Variants in PHYHIP observed in about 807,000 individuals in gnomAD.
PHYHIP encodes phytanoyl-CoA hydroxylase-interacting protein.
A neutral mutation model predicts 26.1 loss-of-function variants in PHYHIP; 7 were observed. The ratio of observed to expected loss-of-function variants is 0.27; its 90% CI spans 0.15 to 0.50. The LOEUF (loss-of-function observed/expected upper bound fraction) is 0.50. PHYHIP is among the 20% of genes least tolerant of loss of function. The probability of loss-of-function intolerance (pLI) is 0.98; values close to 1 mark genes in which losing one functional copy is unlikely to be tolerated. For synonymous variants in PHYHIP, 206 were observed against 183.4 expected (o/e 1.12, Z -1.00); for missense variants, 232 against 454.7 (o/e 0.51, Z 4.45).
At chr8:22,230,284 G>A (rs1054412225) in intron 1 of PHYHIP, among the ~76,000 whole-genome samples, 5 of 151,278 alleles carry the variant, frequency 3.3e-5, no homozygotes, top group Admixed American at 6.6e-5. Flanking sequence ...CCACACGCTC[G>A]GAGGCAGCCC....
chr8:22,226,758 A>G, intron 3 of PHYHIP, 93 bp downstream of exon 3: 1 of 1,184,436 alleles, frequency 8.4e-7, no homozygotes, highest in Non-Finnish European at 1.2e-6. Flanking sequence ...GGTGTTCATC[A>G]GTGTTTGCTG....
chr8:22,226,100 C>A (rs955427411), intron 3 of PHYHIP, among the ~76,000 whole-genome samples: 1 of 152,152 alleles, frequency 6.6e-6, no homozygotes, highest in Non-Finnish European at 1.5e-5. Flanking sequence ...TTAAGTTCTG[C>A]TAAGAGAGTT....
chr8:22,228,531 G>A, intron 1 of PHYHIP, 145 bp from the exon 2 acceptor site: 1 of 577,354 alleles, frequency 1.7e-6, no homozygotes, highest in Non-Finnish European at 3.1e-6. Context: ...AGACTGTACA[G>A]GGGAGGCTGG....
intron 1 of PHYHIP, among the ~76,000 whole-genome samples, chr8:22,230,651 C>T (rs895240905): frequency 1.3e-5 from 2 of 152,244 alleles, no homozygotes; most frequent in African/African-American, 2.4e-5. Context: ...GGCACGCACG[C>T]GCATACACAC....
intron 1 of PHYHIP, among the ~76,000 whole-genome samples, chr8:22,231,474 C>T (rs1249816660): frequency 2.6e-5 from 4 of 152,254 alleles, no homozygotes; most frequent in African/African-American, 9.6e-5. Context: ...CACACACACA[C>T]GCCGCGCACA....
chr8:22,221,747 G>A lies in PHYHIP; in HGVS notation c.599C>T (p.Pro200Leu). The change falls in exon 5 of 5, where the codon CCC becomes CTC. Residue 200 changes from proline to leucine, a missense_variant. By Grantham distance (98) the Pro-to-Leu change is moderately conservative. Transcript: ENST00000454243. The surrounding 1 kb of genome is among the most constrained non-coding windows in gnomAD (Gnocchi z 7.9). ...GATCTGGAAGCGCCAGCGGCCGTAGGGGGAGTCCTGCGGGGGCTGGCCCGT... is the reference window on the plus strand; with the variant it reads ...GATCTGGAAGCGCCAGCGGCCGTAGAGGGAGTCCTGCGGGGGCTGGCCCGT... Reference protein sequence around the residue: ...FNTGQPPQDSPYGRWRFQIPA... With the variant: ...FNTGQPPQDSLYGRWRFQIPA... The A allele has an allele frequency of 1.2e-6, 2 of 1,613,286 alleles. No individual in the cohort carries two copies. The highest frequency in any genetic ancestry group is 2.2e-5 in the East Asian group (1 of 44,864).
At chr8:22,226,127 AG>A (rs1829740463) in intron 3 of PHYHIP, among the ~76,000 whole-genome samples, 1 of 151,198 alleles carries the variant, frequency 6.6e-6, no homozygotes, top group African/African-American at 2.5e-5. Flanking sequence ...GCCATTGACC[AG>A]GGGCCATTTT....
At chr8:22,227,509 G>T in intron 2 of PHYHIP, 3 of 419,706 alleles carry the variant, frequency 7.1e-6, no homozygotes, top group South Asian at 1.7e-5. Flanking sequence ...AAAGAGAGCG[G>T]GTGAGTAACC....
chr8:22,226,938 T>C lies in PHYHIP; in HGVS notation c.253A>G (p.Ser85Gly). Residue 85 changes from serine to glycine, a missense_variant, in exon 3 of 5, where the codon AGT becomes GGT. Coordinates refer to ENST00000454243, the MANE Select transcript of PHYHIP (RefSeq NM_014759.5). The stretch of plus-strand genomic sequence containing the variant: ...TTCACTGCCGTCTGCACGGCCACAC[T>C]GTACTCCGTGCGGGGGCTCAGGAAC... ...HWFLSPRTEY[S>G]VAVQTAVKQS... The C allele has an allele frequency of 1.2e-6, 2 of 1,613,980 alleles. No homozygotes were observed. The highest frequency in any genetic ancestry group is 1.7e-6 in the Non-Finnish European group (2 of 1,179,908).
chr8:22,231,281 G>C (rs1829860903), intron 1 of PHYHIP, among the ~76,000 whole-genome samples: 1 of 151,904 alleles, frequency 6.6e-6, no homozygotes, highest in Non-Finnish European at 1.5e-5. Context: ...CTGCCTCATA[G>C]TGTCCCCACC....
At chr8:22,228,020 G>C (rs1468838948) in intron 2 of PHYHIP, among the ~76,000 whole-genome samples, 173 bp downstream of exon 2, 1 of 152,234 alleles carries the variant, frequency 6.6e-6, no homozygotes, top group African/African-American at 2.4e-5. Context: ...CTCTTTACCA[G>C]GGAAGGAGCT....
chr8:22,229,908 G>T (rs938284508), intron 1 of PHYHIP, among the ~76,000 whole-genome samples: 1 of 152,186 alleles, frequency 6.6e-6, no homozygotes, highest in Non-Finnish European at 1.5e-5. Context: ...CAGGGTGAAG[G>T]CTAAAGGTGA....
intron 3 of PHYHIP, among the ~76,000 whole-genome samples, chr8:22,225,719 C>A (rs1436985262): frequency 2.7e-5 from 4 of 149,126 alleles, no homozygotes; most frequent in Non-Finnish European, 5.9e-5. Flanking sequence ...GCAGGAGAAT[C>A]GCTTGAACCC....
At chr8:22,225,477 G>A (rs942434028) in intron 3 of PHYHIP, among the ~76,000 whole-genome samples, 8 of 151,898 alleles carry the variant, frequency 5.3e-5, no homozygotes, top group African/African-American at 1.9e-4. Context: ...CTGGGCAACA[G>A]AGCAAGACCC....
rs774463765 is a variant in PHYHIP at position 22,221,011 on chromosome 8, G to A, written c.*342C>T. The A allele has an allele frequency of 1.6e-5, 4 of 248,362 alleles. No homozygotes were observed. Among genetic ancestry groups the A allele is most frequent in the Non-Finnish European group, 3.1e-5 (4 of 127,938 alleles). The allele number at this position is 248,362 out of a possible 1,614,324, so 15.4% of individuals were successfully genotyped here. A position where few individuals can be genotyped will look rare whatever the true frequency, so the allele number is the denominator to read the frequency against. ...TTGGCCCAGAGGGGCTTCCCTGGGAGAGCCCAGGAGGTGGGCAGGTCTTTG... is the reference window on the plus strand; with the variant it reads ...TTGGCCCAGAGGGGCTTCCCTGGGAAAGCCCAGGAGGTGGGCAGGTCTTTG... On this transcript the variant is annotated 3_prime_UTR_variant, in exon 5 of 5. Transcript: ENST00000454243. This position sits in a 1 kb window ranked among gnomAD's most constrained non-coding sequence, Gnocchi z 7.9.
At chr8:22,225,947 C>T (rs1419858615) in intron 3 of PHYHIP, among the ~76,000 whole-genome samples, 1 of 152,156 alleles carries the variant, frequency 6.6e-6, no homozygotes, top group South Asian at 2.1e-4. Flanking sequence ...GAGAATGTTC[C>T]GTGTCTCTTC....
intron 1 of PHYHIP, among the ~76,000 whole-genome samples, chr8:22,230,378 G>T (rs1829842258): frequency 6.6e-6 from 1 of 152,174 alleles, no homozygotes; most frequent in African/African-American, 2.4e-5. Flanking sequence ...TGGCGGTAGG[G>T]GTCTCCAGGA....
chr8:22,230,217 A>ACG (rs1411907011), intron 1 of PHYHIP, among the ~76,000 whole-genome samples: 1 of 151,506 alleles, frequency 6.6e-6, no homozygotes, highest in Non-Finnish European at 1.5e-5. Flanking sequence ...ACACACACGC[A>ACG]CACACACACA....
At position 22,221,340 on chromosome 8, in the gene PHYHIP, TC is replaced by T. The variant is rs770574682; in HGVS notation, c.*12del. ...GCTCATCTCTCCCTCGCCCCCCAGCTCCCCAGGAGTCCCTAGCGGCCCACGC... is the reference window on the plus strand; with the variant it reads ...GCTCATCTCTCCCTCGCCCCCCAGCTCCCAGGAGTCCCTAGCGGCCCACGC... On this transcript the variant is annotated 3_prime_UTR_variant, in exon 5 of 5. Transcript: ENST00000454243. This position sits in a 1 kb window ranked among gnomAD's most constrained non-coding sequence, Gnocchi z 7.9. 11 of 1,541,350 alleles carry T rather than the reference TC, an allele frequency of 7.1e-6. No individual in the cohort carries two copies. In the African/African-American group the frequency reaches 1.4e-4, roughly 19 times the overall value.
Sources: gnomAD v4.1 joint callset for allele counts (sites outside exome capture counted in the v4.1 genomes callset) on GRCh38, gnomAD v4.1.1 for gene constraint, Gnocchi (gnomAD v3.1) non-coding constraint, MANE v1.5 for transcripts, NCBI Gene and HGNC (gene_info 2026-07-23, HGNC 2026-07-21) for gene names.